RANBP2: variants seen among roughly 807,000 people sequenced by gnomAD.
RANBP2 encodes RAN binding protein 2.
RANBP2 carries 57 observed loss-of-function variants against 303.6 expected under a neutral mutation model. The ratio of observed to expected loss-of-function variants is 0.19; its 90% CI spans 0.15 to 0.23. The LOEUF (loss-of-function observed/expected upper bound fraction) is 0.23. Among genes scored for constraint, RANBP2 ranks in the 10% least tolerant of loss-of-function variants. The pLI, the probability that RANBP2 is intolerant of heterozygous loss-of-function variation, is 1.00. For missense variants in RANBP2, 3,138 were observed against 3,780.8 expected, an observed-to-expected ratio of 0.83 and a Z score of 4.46; for synonymous variants, 1,167 against 1,301.5, an observed-to-expected ratio of 0.90 and a Z score of 2.23.
chr2:109,647,155 C>CTTTTTTT, the RANBP2 span, among the ~76,000 whole-genome samples: 4 of 71,526 alleles, frequency 5.6e-5, 2 homozygotes, highest in African/African-American at 2.2e-4. Context: ...GCTCTCCTCA[C>CTTTTTTT]TTTTTTTTTT....
At chr2:109,217,461 C>T in the RANBP2 span, among the ~76,000 whole-genome samples, 1 of 152,318 alleles carries the variant, frequency 6.6e-6, no homozygotes, top group African/African-American at 2.4e-5. Flanking sequence ...TTTATGGCCA[C>T]GATTGGTAAA....
At chr2:109,588,771 G>C in the RANBP2 span, among the ~76,000 whole-genome samples, 1 of 151,088 alleles carries the variant, frequency 6.6e-6, no homozygotes, top group Admixed American at 6.6e-5. Flanking sequence ...GATTACAGGC[G>C]TGAGCCACCA....
chr2:109,223,049 C>G, the RANBP2 span, among the ~76,000 whole-genome samples: 1 of 152,230 alleles, frequency 6.6e-6, no homozygotes, highest in Admixed American at 6.5e-5. Context: ...ATGGTGTGAT[C>G]CCACCTCTTG....
At chr2:108,851,918 A>G in the RANBP2 span, among the ~76,000 whole-genome samples, 1 of 152,190 alleles carries the variant, frequency 6.6e-6, no homozygotes, top group African/African-American at 2.4e-5. Context: ...GAGGTTTACA[A>G]AGGTAGATAA....
chr2:109,610,103 T>G, the RANBP2 span, among the ~76,000 whole-genome samples: 1 of 151,742 alleles, frequency 6.6e-6, no homozygotes, highest in Non-Finnish European at 1.5e-5. Flanking sequence ...GTGTTTTTTT[T>G]TTTTTAGACA....
the RANBP2 span, among the ~76,000 whole-genome samples, chr2:109,392,097 T>G: frequency 6.6e-6 from 1 of 152,290 alleles, no homozygotes; most frequent in Admixed American, 6.5e-5. Context: ...TTTACAAACA[T>G]GAGCCACTGT....
the RANBP2 span, among the ~76,000 whole-genome samples, chr2:108,807,122 A>G: frequency 1.3e-5 from 2 of 152,236 alleles, no homozygotes; most frequent in African/African-American, 2.4e-5. Flanking sequence ...ATAACTGAGA[A>G]TGAAGAAAAA....
the RANBP2 span, among the ~76,000 whole-genome samples, chr2:109,286,480 C>T: frequency 5.3e-5 from 8 of 152,276 alleles, no homozygotes; most frequent in Admixed American, 3.3e-4. Flanking sequence ...ACCACAGTCC[C>T]GCACAAGGCC....
intron 18 of RANBP2, among the ~76,000 whole-genome samples, chr2:108,760,875 A>C (rs988771517): frequency 1.3e-5 from 2 of 152,014 alleles, no homozygotes; most frequent in Non-Finnish European, 2.9e-5. Flanking sequence ...AATTTTTTTG[A>C]CCTGAACATT....
the RANBP2 span, among the ~76,000 whole-genome samples, chr2:108,957,870 T>G: frequency 6.6e-6 from 1 of 152,248 alleles, no homozygotes; most frequent in African/African-American, 2.4e-5. Flanking sequence ...TTGTAACGTT[T>G]TTGATCTTTA....
the RANBP2 span, among the ~76,000 whole-genome samples, chr2:109,440,894 A>T: frequency 6.6e-6 from 1 of 152,196 alleles, no homozygotes; most frequent in Non-Finnish European, 1.5e-5. Context: ...ATTAGTGCTA[A>T]CAGTGCCCAG....
At chr2:108,783,333 TAAAAAAAAAAAAAAA>T (rs71381992) in intron 28 of RANBP2, among the ~76,000 whole-genome samples, 1 of 41,456 alleles carries the variant, frequency 2.4e-5, no homozygotes, top group African/African-American at 1.1e-4. Flanking sequence ...AGCCTGTCAT[TAAAAAAAAAAAAAAA>T]AAAAAAAAAA....
At chr2:109,086,320 A>C in the RANBP2 span, among the ~76,000 whole-genome samples, 1 of 152,176 alleles carries the variant, frequency 6.6e-6, no homozygotes, top group African/African-American at 2.4e-5. Flanking sequence ...CTACCATTGA[A>C]GGAGCTCCTG....
the RANBP2 span, chr2:109,544,589 A>G: frequency 4.1e-6 from 4 of 971,664 alleles, no homozygotes; most frequent in Non-Finnish European, 4.9e-6. Flanking sequence ...GTAAATGTAA[A>G]TTATCTTTCA....
the RANBP2 span, among the ~76,000 whole-genome samples, chr2:109,158,302 C>T: frequency 6.6e-6 from 1 of 152,198 alleles, no homozygotes; most frequent in Admixed American, 6.5e-5. Context: ...CTTTCTGGTA[C>T]AGGTGAATCA....
chr2:108,953,219 A>G, the RANBP2 span, among the ~76,000 whole-genome samples: 1 of 152,170 alleles, frequency 6.6e-6, no homozygotes, highest in African/African-American at 2.4e-5. Context: ...CCGATGCTTC[A>G]GAATTGCTTA....
chr2:109,147,753 G>T, the RANBP2 span, among the ~76,000 whole-genome samples: 1 of 152,174 alleles, frequency 6.6e-6, no homozygotes, highest in Non-Finnish European at 1.5e-5. Context: ...AAATATTTAC[G>T]AAGTTAACAA....
chr2:109,564,360 C>T, the RANBP2 span: 7 of 1,541,452 alleles, frequency 4.5e-6, no homozygotes, highest in African/African-American at 1.4e-5. Flanking sequence ...AAGAACCCCA[C>T]CCTACCTGAC....
At chr2:109,707,613 C>A in the RANBP2 span, among the ~76,000 whole-genome samples, 1 of 152,194 alleles carries the variant, frequency 6.6e-6, no homozygotes, top group African/African-American at 2.4e-5. Flanking sequence ...CTCCCATGAC[C>A]CAGCCACTGA....
Sources: allele counts gnomAD v4.1 joint callset (sites outside exome capture counted in the v4.1 genomes callset), GRCh38; gene constraint gnomAD v4.1.1; transcripts MANE v1.5; gene names NCBI Gene and HGNC (gene_info 2026-07-23, HGNC 2026-07-21).